The following SLC36A1 variants were observed in gnomAD, a reference collection of about 807,000 sequenced individuals.
SLC36A1 encodes solute carrier family 36 member 1, also known as proton-coupled amino acid transporter 1.
In SLC36A1, 30 loss-of-function variants were observed where a neutral mutation model predicts 47.5. The ratio of observed to expected loss-of-function variants is 0.63; its 90% CI spans 0.47 to 0.86. The LOEUF is 0.86. Among genes scored for constraint, SLC36A1 ranks in the 40% least tolerant of loss-of-function variants. SLC36A1 has a pLI of 0.00. For synonymous variants in SLC36A1, 255 were observed against 249.7 expected (o/e 1.02, Z -0.20); for missense variants, 517 against 606.0 (o/e 0.85, Z 1.54).
At chr5:151,385,009 A>AGAGAGAGTGTGTGT in the SLC36A1 span, among the ~76,000 whole-genome samples, 766 of 128,454 alleles carry the variant, frequency 6.0e-3, 5 homozygotes, top group African/African-American at 0.012. Flanking sequence ...AGAGAGAGAG[A>AGAGAGAGTGTGTGT]GTGTGTGTGT....
At chr5:151,506,342 A>G in the SLC36A1 span, among the ~76,000 whole-genome samples, 1 of 152,252 alleles carries the variant, frequency 6.6e-6, no homozygotes, top group Non-Finnish European at 1.5e-5. Context: ...TCTGAGGGTC[A>G]GTGAACAAGG....
chr5:151,413,595 A>G, the SLC36A1 span, among the ~76,000 whole-genome samples: 1 of 152,132 alleles, frequency 6.6e-6, no homozygotes, highest in Non-Finnish European at 1.5e-5. Flanking sequence ...TGATGGTCAC[A>G]TAACTTTTAA....
chr5:151,487,872 T>C, intron 10 of SLC36A1, 111 bp from the exon 11 acceptor site: 2 of 1,307,888 alleles, frequency 1.5e-6, no homozygotes, highest in Non-Finnish European at 2.1e-6. Context: ...TAAGTTTTCT[T>C]AGAGCTCTCA....
the SLC36A1 span, among the ~76,000 whole-genome samples, chr5:151,394,901 C>G: frequency 6.6e-6 from 1 of 152,184 alleles, no homozygotes; most frequent in Non-Finnish European, 1.5e-5. Context: ...CAGCTGCGTG[C>G]TAGGAGAACC....
the SLC36A1 span, chr5:151,378,497 A>G: frequency 4.6e-6 from 1 of 217,486 alleles, no homozygotes; most frequent in Non-Finnish European, 1.0e-5. Flanking sequence ...GGTCACCTTG[A>G]GTCGTGGGAA....
the SLC36A1 span, among the ~76,000 whole-genome samples, chr5:151,395,744 A>G: frequency 2.6e-3 from 399 of 152,300 alleles, 3 homozygotes; most frequent in Middle Eastern, 0.027. Flanking sequence ...GGATGAGGTC[A>G]TGCTTGGAAA....
the SLC36A1 span, among the ~76,000 whole-genome samples, chr5:151,538,826 GCCA>G: frequency 2.6e-5 from 4 of 151,462 alleles, no homozygotes; most frequent in South Asian, 8.4e-4. Flanking sequence ...ACAGGTGCGT[GCCA>G]CCACACCTGG....
chr5:151,490,430 TC>T lies in SLC36A1; in HGVS notation c.*2178del. On this transcript the variant is annotated 3_prime_UTR_variant, in exon 11 of 11. Coordinates refer to ENST00000243389, the MANE Select transcript of SLC36A1 (RefSeq NM_078483.4). ...GGGCCAGACCTGTGTCCTGCCCATGTCCTCCTTGGTGGACGTTTCTGTTTAC... is the reference window on the plus strand; with the variant it reads ...GGGCCAGACCTGTGTCCTGCCCATGTCTCCTTGGTGGACGTTTCTGTTTAC... 1 of 152,330 alleles carries T rather than the reference TC, an allele frequency of 6.6e-6. No individual in the cohort carries two copies. The allele number at this position is 152,330 out of a possible 1,614,324, so 9.4% of individuals were successfully genotyped here.
chr5:151,358,260 CTTT>C, the SLC36A1 span, among the ~76,000 whole-genome samples: 2 of 150,898 alleles, frequency 1.3e-5, no homozygotes, highest in Non-Finnish European at 2.9e-5. Flanking sequence ...TTTAGTTTAA[CTTT>C]TTTTCTTTTC....
At chr5:151,379,795 A>G in the SLC36A1 span, among the ~76,000 whole-genome samples, 25 of 152,236 alleles carry the variant, frequency 1.6e-4, no homozygotes, top group Non-Finnish European at 3.5e-4. Context: ...CAGTTTTAAA[A>G]TCTAATATTT....
the SLC36A1 span, among the ~76,000 whole-genome samples, chr5:151,503,597 T>TGAA: frequency 6.6e-6 from 1 of 151,564 alleles, no homozygotes; most frequent in East Asian, 1.9e-4. Flanking sequence ...GGTTGCCTGG[T>TGAA]GAAGTCACAT....
the SLC36A1 span, chr5:151,550,594 A>G: frequency 2.5e-6 from 4 of 1,613,954 alleles, no homozygotes; most frequent in Admixed American, 6.7e-5. Flanking sequence ...ACTCACCATG[A>G]CTGTCAGTGT....
At chr5:151,461,673 A>C (rs1302681590) in intron 2 of SLC36A1, among the ~76,000 whole-genome samples, 2 of 152,212 alleles carry the variant, frequency 1.3e-5, no homozygotes, top group Non-Finnish European at 2.9e-5. Flanking sequence ...GTAAAATTAC[A>C]CTGTAGAACG....
the SLC36A1 span, among the ~76,000 whole-genome samples, chr5:151,537,200 AAAGAAGAAGAGG>A: frequency 2.0e-5 from 3 of 147,606 alleles, no homozygotes; most frequent in African/African-American, 7.3e-5. Flanking sequence ...AGAGAGAGAG[AAAGAAGAAGAGG>A]AAGAAGAAGA....
At chr5:151,484,634 G>A (rs1759273295) in intron 10 of SLC36A1, among the ~76,000 whole-genome samples, 2 of 152,174 alleles carry the variant, frequency 1.3e-5, no homozygotes, top group South Asian at 4.1e-4. Context: ...AGAATAGTAA[G>A]CTGATTTGCC....
the SLC36A1 span, chr5:151,522,208 C>A: frequency 1.4e-6 from 1 of 725,864 alleles, no homozygotes; most frequent in Non-Finnish European, 2.2e-6. Flanking sequence ...AGGGCTGGCT[C>A]AGCGCATTGT....
chr5:151,494,207 C>T (rs60426574), downstream of SLC36A1, among the ~76,000 whole-genome samples: 3,687 of 152,248 alleles, frequency 0.024, 127 homozygotes, highest in African/African-American at 0.084. Context: ...CTTCCTCATA[C>T]TTTGCCCATT....
At chr5:151,473,175 T>C (rs564617434) in intron 7 of SLC36A1, among the ~76,000 whole-genome samples, 12 of 51,886 alleles carry the variant, frequency 2.3e-4, no homozygotes, top group South Asian at 1.3e-3. Context: ...ACTCTGTCTC[T>C]AGATAGATAG....
chr5:151,380,789 C>G, the SLC36A1 span: 3 of 520,690 alleles, frequency 5.8e-6, no homozygotes, highest in Non-Finnish European at 1.2e-5. Flanking sequence ...CGCAAGGCCT[C>G]TGGGAAGACA....
Sources: allele counts gnomAD v4.1 joint callset (sites outside exome capture counted in the v4.1 genomes callset), GRCh38; gene constraint gnomAD v4.1.1; transcripts MANE v1.5; gene names NCBI Gene and HGNC (gene_info 2026-07-23, HGNC 2026-07-21).